KCND2: variants seen among roughly 807,000 people sequenced by gnomAD.
The protein encoded by KCND2 is A-type voltage-gated potassium channel KCND2.
Under a neutral mutation model 54.4 loss-of-function variants are expected in KCND2, and 16 were observed. The observed-to-expected ratio is 0.29, with a 90% CI of 0.20 to 0.45. The LOEUF is 0.45. Ranked by LOEUF, KCND2 falls within the 20% of genes least tolerant of loss-of-function variation. The pLI is 1.00. For missense variants in KCND2, 486 were observed against 824.2 expected, an observed-to-expected ratio of 0.59 and a Z score of 5.02; for synonymous variants, 317 against 310.7, an observed-to-expected ratio of 1.02 and a Z score of -0.21.
At chr7:120,526,963 C>G (rs117432836) in intron 1 of KCND2, among the ~76,000 whole-genome samples, 5 of 152,100 alleles carry the variant, frequency 3.3e-5, no homozygotes, top group Admixed American at 6.6e-5. Flanking sequence ...GACTTTAATT[C>G]AATAATCACA....
chr7:120,568,148 GAC>G (rs1414494802), intron 1 of KCND2, among the ~76,000 whole-genome samples: 1 of 151,968 alleles, frequency 6.6e-6, no homozygotes, highest in Non-Finnish European at 1.5e-5. Context: ...ATGACTGTGA[GAC>G]AGACAGCAAA....
intron 1 of KCND2, among the ~76,000 whole-genome samples, chr7:120,411,474 A>C (rs1427604297): frequency 6.6e-6 from 1 of 151,894 alleles, no homozygotes; most frequent in African/African-American, 2.4e-5. Context: ...TTTCCTTTAT[A>C]ACTATAGTTT....
intron 1 of KCND2, among the ~76,000 whole-genome samples, chr7:120,365,212 AGGG>A: frequency 5.0e-5 from 2 of 39,844 alleles, no homozygotes; most frequent in African/African-American, 2.0e-4. Flanking sequence ...GAAGGAAGGA[AGGG>A]AGGGAGGGAG....
chr7:120,288,018 A>G (rs1799373098), intron 1 of KCND2, among the ~76,000 whole-genome samples: 1 of 152,160 alleles, frequency 6.6e-6, no homozygotes, highest in South Asian at 2.1e-4. Context: ...CAGAGATAAC[A>G]ATCATTAGTC....
chr7:120,434,033 A>G (rs1376841195), intron 1 of KCND2, among the ~76,000 whole-genome samples: 1 of 152,180 alleles, frequency 6.6e-6, no homozygotes, highest in Non-Finnish European at 1.5e-5. Flanking sequence ...TTGAATGAAA[A>G]TTTTAAGTGC....
chr7:120,505,837 A>G (rs1037663434), intron 1 of KCND2, among the ~76,000 whole-genome samples: 1 of 151,814 alleles, frequency 6.6e-6, no homozygotes, highest in Non-Finnish European at 1.5e-5. Flanking sequence ...TTTACATACC[A>G]TTATGTGGCT....
intron 1 of KCND2, among the ~76,000 whole-genome samples, chr7:120,354,865 A>C (rs550848402): frequency 6.6e-6 from 1 of 152,258 alleles, no homozygotes; most frequent in Non-Finnish European, 1.5e-5. Flanking sequence ...ATAACATTGT[A>C]TATATGAGAT....
intron 1 of KCND2, among the ~76,000 whole-genome samples, chr7:120,568,678 C>T (rs1792327860): frequency 6.6e-6 from 1 of 152,144 alleles, no homozygotes; most frequent in South Asian, 2.1e-4. Context: ...TGGTTTCTAA[C>T]TTCCCTTGAT....
intron 1 of KCND2, among the ~76,000 whole-genome samples, chr7:120,282,257 C>T (rs1430383972): frequency 1.3e-5 from 2 of 152,144 alleles, no homozygotes; most frequent in African/African-American, 4.8e-5. Flanking sequence ...AAGGTGTTCT[C>T]TCTTACCAGT....
intron 1 of KCND2, among the ~76,000 whole-genome samples, chr7:120,578,237 A>ACTG (rs1328590002): frequency 6.6e-6 from 1 of 152,132 alleles, no homozygotes; most frequent in Non-Finnish European, 1.5e-5. Context: ...GCTGTGAGCC[A>ACTG]TGATCAAGCC....
intron 1 of KCND2, among the ~76,000 whole-genome samples, chr7:120,588,247 G>A (rs1204712259): frequency 2.0e-5 from 3 of 152,060 alleles, no homozygotes; most frequent in African/African-American, 7.2e-5. Flanking sequence ...TGTGTGTGAG[G>A]TTTAAAAGTT....
chr7:120,505,580 A>C (rs1182874970), intron 1 of KCND2, among the ~76,000 whole-genome samples: 1 of 151,784 alleles, frequency 6.6e-6, no homozygotes. Flanking sequence ...GTCATTGAAA[A>C]TGCTAAGTTT....
At chr7:120,549,198 C>T (rs981488545) in intron 1 of KCND2, among the ~76,000 whole-genome samples, 13 of 152,072 alleles carry the variant, frequency 8.5e-5, no homozygotes, top group African/African-American at 3.1e-4. Flanking sequence ...AAGGAAGACA[C>T]ATTCAAACTG....
At chr7:120,493,853 C>T (rs1802816254) in intron 1 of KCND2, among the ~76,000 whole-genome samples, 1 of 152,046 alleles carries the variant, frequency 6.6e-6, no homozygotes, top group Admixed American at 6.6e-5. Context: ...GAGCATAATC[C>T]ACAGTAGTGT....
chr7:120,494,734 A>G lies in KCND2; in HGVS notation c.1115+218987A>G, dbSNP rs1431164734. Among the ~76,000 whole-genome samples, 3 of 152,208 alleles carry G rather than the reference A, an allele frequency of 2.0e-5. No individual in the cohort carries two copies. The South Asian group carries it at 6.2e-4, about 31-fold the overall frequency. ...TCAAATTCTACAGAAATTTGTGTGC[A>G]TGGCATACTATTTTATTTTTCAGTG... On this transcript the variant is annotated intron_variant, in intron 1 of 5. Coordinates refer to ENST00000331113, the MANE Select transcript of KCND2 (RefSeq NM_012281.3).
intron 1 of KCND2, among the ~76,000 whole-genome samples, chr7:120,340,945 G>A (rs1022343113): frequency 6.6e-6 from 1 of 152,068 alleles, no homozygotes; most frequent in African/African-American, 2.4e-5. Flanking sequence ...GACTACATAA[G>A]GAAAAAATAG....
intron 1 of KCND2, among the ~76,000 whole-genome samples, chr7:120,426,844 TCTC>T (rs1801715470): frequency 6.6e-6 from 1 of 152,010 alleles, no homozygotes; most frequent in South Asian, 2.1e-4. Flanking sequence ...ATGGTCTCGA[TCTC>T]CTGACCTCGT....
intron 1 of KCND2, among the ~76,000 whole-genome samples, chr7:120,475,455 T>A (rs915889450): frequency 2.6e-5 from 4 of 152,190 alleles, no homozygotes; most frequent in Non-Finnish European, 4.4e-5. Flanking sequence ...TATTTGTAAC[T>A]TAAAATTTTA....
At chr7:120,498,715 C>T (rs901971358) in intron 1 of KCND2, among the ~76,000 whole-genome samples, 5 of 152,076 alleles carry the variant, frequency 3.3e-5, no homozygotes, top group African/African-American at 1.2e-4. Context: ...GCAGAGGTTG[C>T]AGTAAGCCAA....
Sources: allele counts gnomAD v4.1 joint callset (sites outside exome capture counted in the v4.1 genomes callset), GRCh38; gene constraint gnomAD v4.1.1; transcripts MANE v1.5; gene names NCBI Gene and HGNC (gene_info 2026-07-23, HGNC 2026-07-21).